The following ZNF330 variants were observed in gnomAD, a reference collection of about 807,000 sequenced individuals.
ZNF330 encodes the protein zinc finger protein 330.
A neutral mutation model predicts 45.5 loss-of-function variants in ZNF330; 31 were observed. That is an observed-to-expected ratio of 0.68 (90% CI 0.51 to 0.92). ZNF330 has a LOEUF of 0.92. Among genes scored for constraint, ZNF330 ranks in the 40% least tolerant of loss-of-function variants. The pLI, the probability that ZNF330 is intolerant of heterozygous loss-of-function variation, is 0.00. For missense variants in ZNF330, 356 were observed against 387.4 expected, an observed-to-expected ratio of 0.92 and a Z score of 0.68; for synonymous variants, 138 against 123.2, an observed-to-expected ratio of 1.12 and a Z score of -0.79.
rs775412119 is a variant in ZNF330, at chr4:141,229,742, T to C, written c.418+45T>C. Reference sequence around the variant, plus strand: ...TAATGAGCTTTGTTATAGGTGAATGTTGACTTTGAAACATTTTGAATGCTG... The same window carrying C: ...TAATGAGCTTTGTTATAGGTGAATGCTGACTTTGAAACATTTTGAATGCTG... On this transcript the variant is annotated intron_variant, in intron 6 of 9. Transcript: ENST00000262990. 2.8e-5 allele frequency: 45 copies of C among 1,610,198 alleles called. No individual in the cohort carries two copies. The African/African-American group carries it at 4.8e-4, about 17-fold the overall frequency.
rs759704053 is a variant in ZNF330 at position 141,222,541 on chromosome 4, T to C, written c.120+50T>C. 2.5e-6 allele frequency: 4 copies of C among 1,584,902 alleles called. No homozygotes were observed. The East Asian group carries it at 9.0e-5, about 36-fold the overall frequency. On this transcript the variant is annotated intron_variant, in intron 2 of 9. Coordinates refer to ENST00000262990, the MANE Select transcript of ZNF330 (RefSeq NM_014487.6). The stretch of plus-strand genomic sequence containing the variant: ...TGGTAGTTGGAAAAACTATATACTA[T>C]TTTATCTGACGTATACCTGAATAAA...
chr4:141,221,188 C>G (rs540304895), intron 1 of ZNF330, 80 bp downstream of exon 1: 5 of 152,886 alleles, frequency 3.3e-5, no homozygotes, highest in Non-Finnish European at 7.3e-5. Context: ...CGCCGCTTCT[C>G]CCCTGGACGC....
chr4:141,221,319 A>G (rs988624620), intron 1 of ZNF330, among the ~76,000 whole-genome samples: 7 of 152,250 alleles, frequency 4.6e-5, no homozygotes, highest in African/African-American at 7.2e-5. Context: ...GTTACCGGAA[A>G]AGGGCTTGAA....
intron 5 of ZNF330, among the ~76,000 whole-genome samples, 190 bp from the exon 6 acceptor site, chr4:141,229,373 TGTTAAGAA>T (rs376433673): frequency 1.3e-5 from 2 of 150,662 alleles, no homozygotes; most frequent in African/African-American, 5.0e-5. Context: ...TGTGGATAGC[TGTTAAGAA>T]GTTGTTTTTC....
chr4:141,228,458 C>A (rs984761205), intron 5 of ZNF330, among the ~76,000 whole-genome samples: 1 of 152,022 alleles, frequency 6.6e-6, no homozygotes, highest in South Asian at 2.1e-4. Context: ...CATCTCACTC[C>A]GTACCAGGTT....
chr4:141,227,538 T>G (rs1456484665), intron 5 of ZNF330, among the ~76,000 whole-genome samples: 1 of 152,166 alleles, frequency 6.6e-6, no homozygotes, highest in East Asian at 1.9e-4. Context: ...CAGTCTATCA[T>G]TGTTGGACAT....
intron 8 of ZNF330, among the ~76,000 whole-genome samples, chr4:141,231,937 T>C (rs548385191): frequency 6.6e-6 from 1 of 152,250 alleles, no homozygotes; most frequent in Admixed American, 6.6e-5. Context: ...CTTATATTCC[T>C]AACCCTATGT....
At chr4:141,232,779 A>C (rs893380917) in intron 9 of ZNF330, 137 bp downstream of exon 9, 1 of 442,654 alleles carries the variant, frequency 2.3e-6, no homozygotes, top group Non-Finnish European at 4.0e-6. Flanking sequence ...AGCAAGTGGA[A>C]TTTTACAGCT....
intron 2 of ZNF330, 108 bp from the exon 3 acceptor site, chr4:141,224,379 A>T: frequency 1.0e-6 from 1 of 977,396 alleles, no homozygotes; most frequent in Non-Finnish European, 1.6e-6. Flanking sequence ...GCTTTGGTGT[A>T]GTGTCACTTA....
chr4:141,222,617 T>C, intron 2 of ZNF330, 126 bp downstream of exon 2: 1 of 986,378 alleles, frequency 1.0e-6, no homozygotes. Flanking sequence ...GAATTTAGTA[T>C]CTCTGGCACG....
chr4:141,225,142 C>T (rs1728773137), intron 4 of ZNF330, among the ~76,000 whole-genome samples: 2 of 151,994 alleles, frequency 1.3e-5, no homozygotes. Flanking sequence ...TTGATGCTTA[C>T]CATATGATTC....
At chr4:141,222,294 A>G (rs1728697996) in intron 1 of ZNF330, 72 bp from the exon 2 acceptor site, 3 of 1,528,872 alleles carry the variant, frequency 2.0e-6, no homozygotes, top group Non-Finnish European at 2.7e-6. Flanking sequence ...TTGTTATACT[A>G]TTTCTTAGTT....
Position 141,229,704 on chromosome 4 carries a change from C to T in ZNF330, c.418+7C>T, listed in dbSNP as rs755508415. The T allele has an allele frequency of 3.1e-6, 5 of 1,612,768 alleles. No homozygotes were observed. The highest frequency in any genetic ancestry group is 1.1e-5 in the South Asian group (1 of 91,024). On this transcript the variant is annotated splice_region_variant and intron_variant, in intron 6 of 9. Coordinates refer to ENST00000262990, the MANE Select transcript of ZNF330 (RefSeq NM_014487.6). ...CGAGGCGTGTGGGACCATGGTGAGT[C>T]ATTAGACACAAGTAATGAGCTTTGT... is the stretch of plus-strand genomic sequence containing the variant.
chr4:141,226,825 C>A lies in ZNF330; in HGVS notation c.270C>A (p.Tyr90Ter), dbSNP rs772563859. The A allele has an allele frequency of 6.2e-7, 1 of 1,612,322 alleles. No individual in the cohort carries two copies. Among genetic ancestry groups the A allele is most frequent in the Non-Finnish European group, 8.5e-7 (1 of 1,179,000 alleles). Residue 90 changes from tyrosine to a stop codon, truncating the protein, a stop_gained, in exon 5 of 10, where the codon TAC becomes TAA. Transcript: ENST00000262990. LOFTEE classifies it high-confidence loss of function. ...GTGTCATAAAGCATGCTGGTGTATA[C>A]AGTACTGGCCTTGCAATGGTGGTAA... ...SDCVIKHAGV[Y>*]STGLAMVGAI... is the part of the protein sequence containing the mutation.
chr4:141,220,729 C>T (rs981231116), upstream of ZNF330, among the ~76,000 whole-genome samples: 1 of 152,230 alleles, frequency 6.6e-6, no homozygotes, highest in Non-Finnish European at 1.5e-5. Flanking sequence ...GGGGCCTTCC[C>T]CTGCTTTCCC....
chr4:141,224,947 A>G (rs1728767457), intron 4 of ZNF330, among the ~76,000 whole-genome samples: 1 of 152,134 alleles, frequency 6.6e-6, no homozygotes, highest in East Asian at 1.9e-4. Flanking sequence ...GAAAGATCAG[A>G]TTTCAGACAT....
chr4:141,234,149 A>AC lies in ZNF330; in HGVS notation c.*161dup. On this transcript the variant is annotated 3_prime_UTR_variant, in exon 10 of 10. Coordinates refer to ENST00000262990, the MANE Select transcript of ZNF330 (RefSeq NM_014487.6). ...CAATAGGGTGTAGCGTTTTTATAGAACTGATAATCAGGCTTATGGCATAAG... is the reference window on the plus strand; with the variant it reads ...CAATAGGGTGTAGCGTTTTTATAGAACCTGATAATCAGGCTTATGGCATAAG... The AC allele has an allele frequency of 7.6e-7, 1 of 1,313,606 alleles. No individual in the cohort carries two copies. The highest frequency in any genetic ancestry group is 1.5e-5 in the African/African-American group (1 of 67,386). The allele number at this position is 1,313,606 out of a possible 1,614,324, so 81.4% of individuals were successfully genotyped here. A position where few individuals can be genotyped will look rare whatever the true frequency, so the allele number is the denominator to read the frequency against.
At chr4:141,231,769 C>G (rs966412114) in intron 8 of ZNF330, among the ~76,000 whole-genome samples, 3 of 152,106 alleles carry the variant, frequency 2.0e-5, no homozygotes, top group Middle Eastern at 3.4e-3. Flanking sequence ...TGATGAGAGT[C>G]TATTTTAATT....
At chr4:141,229,812 A>G in intron 6 of ZNF330, 115 bp downstream of exon 6, 1 of 1,329,808 alleles carries the variant, frequency 7.5e-7, no homozygotes, top group Non-Finnish European at 1.1e-6. Context: ...AACTACTGGT[A>G]CTGTTTTGAT....
Sources: allele counts gnomAD v4.1 joint callset (sites outside exome capture counted in the v4.1 genomes callset), GRCh38; gene constraint gnomAD v4.1.1; transcripts MANE v1.5; gene names NCBI Gene and HGNC (gene_info 2026-07-23, HGNC 2026-07-21).